Variants in CTNNA3 observed in about 807,000 individuals in gnomAD.
CTNNA3 encodes catenin alpha-3.
CTNNA3 carries 76 observed loss-of-function variants against 95.7 expected under a neutral mutation model. The observed-to-expected ratio is 0.79, with a 90% CI of 0.66 to 0.96. The LOEUF (loss-of-function observed/expected upper bound fraction) is 0.96. CTNNA3 is among the 40% of genes least tolerant of loss of function. CTNNA3 has a pLI of 0.00. For synonymous variants in CTNNA3, 431 were observed against 374.4 expected, an observed-to-expected ratio of 1.15 and a Z score of -1.74; for missense variants, 1,191 against 1,089.8, an observed-to-expected ratio of 1.09 and a Z score of -1.31.
At chr10:66,713,184 C>T (rs1430307552) in intron 9 of CTNNA3, among the ~76,000 whole-genome samples, 1 of 152,116 alleles carries the variant, frequency 6.6e-6, no homozygotes, top group African/African-American at 2.4e-5. Flanking sequence ...ATATCTTATT[C>T]TCCTTCTCAA....
intron 7 of CTNNA3, among the ~76,000 whole-genome samples, chr10:67,120,322 T>C: frequency 6.6e-6 from 1 of 151,916 alleles, no homozygotes; most frequent in East Asian, 1.9e-4. Flanking sequence ...AAAGCAACCA[T>C]CTTATCCAAA....
chr10:67,733,111 T>A (rs1048421304), intron 1 of CTNNA3, among the ~76,000 whole-genome samples: 1 of 152,166 alleles, frequency 6.6e-6, no homozygotes, highest in Admixed American at 6.5e-5. Context: ...AATAAGTACA[T>A]GGTCAAAATC....
rs1002824019 is a variant in CTNNA3 at position 66,693,884 on chromosome 10, A to G, written c.1282-72100T>C. Among the ~76,000 whole-genome samples, 240 of 152,070 alleles carry G rather than the reference A, an allele frequency of 1.6e-3. 1 individual carries two copies. The highest frequency in any genetic ancestry group is 5.3e-3 in the African/African-American group (221 of 41,460). ...CTACTGGGTACATAACAAAATGAAG[A>G]CAGAAATAAAGATGTTCTTTGAAAC... On this transcript the variant is annotated intron_variant, in intron 9 of 17. Transcript: ENST00000433211.
chr10:66,348,230 G>A (rs2092539516), intron 12 of CTNNA3, among the ~76,000 whole-genome samples: 2 of 152,072 alleles, frequency 1.3e-5, no homozygotes, highest in African/African-American at 4.8e-5. Context: ...TATGATGTTA[G>A]CATTAATTAG....
chr10:66,663,479 A>AT (rs1233505429), intron 9 of CTNNA3, among the ~76,000 whole-genome samples: 2 of 152,042 alleles, frequency 1.3e-5, no homozygotes, highest in African/African-American at 2.4e-5. Flanking sequence ...ACAAAAAAAA[A>AT]AAAAAAAATC....
intron 7 of CTNNA3, among the ~76,000 whole-genome samples, chr10:66,853,879 T>C (rs1257277631): frequency 6.6e-6 from 1 of 152,096 alleles, no homozygotes; most frequent in Non-Finnish European, 1.5e-5. Context: ...CCCTTAATGA[T>C]TACAAGTTGT....
At chr10:66,396,398 T>C (rs2092977658) in intron 11 of CTNNA3, among the ~76,000 whole-genome samples, 1 of 152,038 alleles carries the variant, frequency 6.6e-6, no homozygotes, top group Admixed American at 6.6e-5. Context: ...TTTACTAAAC[T>C]TAATTTTAAA....
At chr10:67,739,087 C>G (rs1056576612) in intron 1 of CTNNA3, among the ~76,000 whole-genome samples, 2 of 152,036 alleles carry the variant, frequency 1.3e-5, no homozygotes, top group African/African-American at 4.8e-5. Context: ...AGGAAATACA[C>G]AGAATGCCAC....
chr10:67,116,382 C>A (rs948274559), intron 7 of CTNNA3, among the ~76,000 whole-genome samples: 1 of 151,864 alleles, frequency 6.6e-6, no homozygotes, highest in Non-Finnish European at 1.5e-5. Context: ...AAATAAAGTA[C>A]GATAGATATA....
Position 67,727,112 on chromosome 10 carries a change from TATATG to T in CTNNA3, c.-2+36317_-2+36321del, listed in dbSNP as rs1377027868. Among the ~76,000 whole-genome samples, 26 of 121,608 alleles carry T rather than the reference TATATG, an allele frequency of 2.1e-4. No homozygotes were observed. The South Asian group carries it at 2.2e-3, about 10-fold the overall frequency. The allele number at this position is 121,608 out of a possible 152,430, so 79.8% of individuals were successfully genotyped here. A position where few individuals can be genotyped will look rare whatever the true frequency, so the allele number is the denominator to read the frequency against. ...ATAATTATATATAATATATGATACA[TATATG>T]ATATAATTATATAATATATGATACA... is the stretch of plus-strand genomic sequence containing the variant. On this transcript the variant is annotated intron_variant, in intron 1 of 17. Transcript: ENST00000684154.
chr10:65,932,230 G>A (rs751386788), intron 17 of CTNNA3, among the ~76,000 whole-genome samples: 4 of 152,150 alleles, frequency 2.6e-5, no homozygotes, highest in Non-Finnish European at 4.4e-5. Flanking sequence ...AGGACAGAAC[G>A]TGAGGATCCA....
chr10:67,054,658 A>T (rs541953967), intron 7 of CTNNA3: 9 of 152,274 alleles, frequency 5.9e-5, no homozygotes, highest in Non-Finnish European at 1.3e-4. Flanking sequence ...AGACAGAAAC[A>T]ATGTCACAAA....
intron 13 of CTNNA3, among the ~76,000 whole-genome samples, chr10:66,185,343 T>C (rs187048594): frequency 6.6e-6 from 1 of 152,038 alleles, no homozygotes; most frequent in African/African-American, 2.4e-5. Context: ...GATATAACCT[T>C]ACCCCCACTT....
intron 5 of CTNNA3, among the ~76,000 whole-genome samples, chr10:67,446,137 G>T (rs538403471): frequency 1.3e-5 from 2 of 152,080 alleles, no homozygotes; most frequent in African/African-American, 4.8e-5. Flanking sequence ...GAAGAAAAAG[G>T]CCTGTATTTT....
At chr10:67,151,443 C>T (rs1180389162) in intron 7 of CTNNA3, among the ~76,000 whole-genome samples, 2 of 151,982 alleles carry the variant, frequency 1.3e-5, no homozygotes, top group East Asian at 3.8e-4. Context: ...TGGAAAAGTG[C>T]CCAATCACTT....
At chr10:66,763,341 C>CACAGAG (rs371974709) in intron 9 of CTNNA3, among the ~76,000 whole-genome samples, 15 of 139,212 alleles carry the variant, frequency 1.1e-4, no homozygotes, top group African/African-American at 3.8e-4. Context: ...CACACACACA[C>CACAGAG]AGAGAGAGAG....
At chr10:67,217,695 GA>G (rs1864446325) in intron 6 of CTNNA3, among the ~76,000 whole-genome samples, 1 of 152,116 alleles carries the variant, frequency 6.6e-6, no homozygotes. Context: ...GAACAATTTG[GA>G]AATGTCTTCT....
At chr10:67,754,418 G>A (rs1394026280) in intron 1 of CTNNA3, among the ~76,000 whole-genome samples, 1 of 152,108 alleles carries the variant, frequency 6.6e-6, no homozygotes, top group Non-Finnish European at 1.5e-5. Flanking sequence ...GTTTACCTAT[G>A]TAACAAACCT....
At chr10:67,221,807 C>T (rs1864672379) in intron 5 of CTNNA3, among the ~76,000 whole-genome samples, 1 of 151,914 alleles carries the variant, frequency 6.6e-6, no homozygotes, top group Non-Finnish European at 1.5e-5. Context: ...ATCTTCTGAC[C>T]TTGTGATCCG....
Sources: gnomAD v4.1 joint callset for allele counts (sites outside exome capture counted in the v4.1 genomes callset) on GRCh38, gnomAD v4.1.1 for gene constraint, MANE v1.5 for transcripts, NCBI Gene and HGNC (gene_info 2026-07-23, HGNC 2026-07-21) for gene names.